OCA2: variants seen among roughly 807,000 people sequenced by gnomAD.
The protein encoded by OCA2 is P protein.
In OCA2, 77 loss-of-function variants were observed where a neutral mutation model predicts 100.2. The observed-to-expected ratio is 0.77, with a 90% confidence interval of 0.64 to 0.93. The LOEUF (loss-of-function observed/expected upper bound fraction) is 0.93, where lower values mean the gene tolerates loss of function less well. OCA2 is among the 40% of genes least tolerant of loss of function. The probability of loss-of-function intolerance (pLI) is 0.00; values close to 1 mark genes in which losing one functional copy is unlikely to be tolerated. For missense variants in OCA2, 1,062 were observed against 1,089.1 expected (o/e 0.98, Z 0.35); for synonymous variants, 432 against 439.2 (o/e 0.98, Z 0.21).
At chr15:28,044,668 T>C (rs954716719) in intron 2 of OCA2, among the ~76,000 whole-genome samples, 2 of 152,254 alleles carry the variant, frequency 1.3e-5, no homozygotes, top group Non-Finnish European at 2.9e-5. Context: ...TATCAGTTTT[T>C]GCTTCGTGTA....
intron 22 of OCA2, among the ~76,000 whole-genome samples, chr15:27,845,357 AC>A (rs1216117930): frequency 6.6e-6 from 1 of 152,218 alleles, no homozygotes; most frequent in African/African-American, 2.4e-5. Context: ...AGAGAAAAAC[AC>A]AAGTGGGGCC....
At chr15:27,727,372 G>GA in the OCA2 span, among the ~76,000 whole-genome samples, 1 of 152,130 alleles carries the variant, frequency 6.6e-6, no homozygotes, top group African/African-American at 2.4e-5. Context: ...CTTTAACCTG[G>GA]AAAAAAACTG....
chr15:27,990,120 T>C (rs986657978), intron 10 of OCA2, among the ~76,000 whole-genome samples: 1 of 152,086 alleles, frequency 6.6e-6, no homozygotes, highest in Non-Finnish European at 1.5e-5. Flanking sequence ...GTTTCCCATG[T>C]CCCTGCCAGA....
At chr15:28,040,979 G>A (rs989340541) in intron 2 of OCA2, among the ~76,000 whole-genome samples, 3 of 152,128 alleles carry the variant, frequency 2.0e-5, no homozygotes, top group Non-Finnish European at 4.4e-5. Context: ...CTCATTCTGT[G>A]AGACCTAACT....
chr15:27,986,494 G>A, intron 12 of OCA2, 93 bp downstream of exon 12: 2 of 904,730 alleles, frequency 2.2e-6, no homozygotes, highest in Non-Finnish European at 3.6e-6. Flanking sequence ...TTCAATGTTT[G>A]TTTTAAATGT....
intron 8 of OCA2, among the ~76,000 whole-genome samples, chr15:28,015,436 T>C (rs2042360543): frequency 6.6e-6 from 1 of 152,206 alleles, no homozygotes; most frequent in Non-Finnish European, 1.5e-5. Context: ...AATTCCTCTG[T>C]TGAAGTCCTA....
intron 23 of OCA2, among the ~76,000 whole-genome samples, chr15:27,780,604 A>C (rs2032487527): frequency 1.3e-5 from 2 of 152,218 alleles, no homozygotes. Flanking sequence ...CTAAAGAGCA[A>C]CTCAGGTTAC....
intron 23 of OCA2, among the ~76,000 whole-genome samples, chr15:27,843,194 A>G (rs1021599381): frequency 2.0e-5 from 3 of 152,148 alleles, no homozygotes; most frequent in Admixed American, 6.5e-5. Context: ...TGCTTGGCCA[A>G]CCAAAGAAGA....
intron 18 of OCA2, among the ~76,000 whole-genome samples, chr15:27,941,057 T>G (rs2039630371): frequency 6.6e-6 from 1 of 152,200 alleles, no homozygotes; most frequent in Non-Finnish European, 1.5e-5. Context: ...GTCCCAATAT[T>G]TCTAATAATT....
the OCA2 span, among the ~76,000 whole-genome samples, chr15:27,724,757 A>T: frequency 1.3e-5 from 2 of 151,648 alleles, no homozygotes; most frequent in Non-Finnish European, 2.9e-5. Flanking sequence ...GTTTAGAAAT[A>T]TTACATACCT....
At chr15:27,892,622 T>C (rs557499485) in intron 19 of OCA2, among the ~76,000 whole-genome samples, 1 of 152,176 alleles carries the variant, frequency 6.6e-6, no homozygotes, top group South Asian at 2.1e-4. Flanking sequence ...AAATCTCATA[T>C]CAACAATCTA....
intron 2 of OCA2, among the ~76,000 whole-genome samples, chr15:28,062,442 CT>C (rs2043902508): frequency 6.6e-6 from 1 of 152,094 alleles, no homozygotes; most frequent in Admixed American, 6.6e-5. Context: ...TGTAAGAGTT[CT>C]ATATATATTC....
chr15:28,015,000 T>C lies in OCA2; in HGVS notation c.891-71A>G, dbSNP rs150432403. The C allele has an allele frequency of 2.6e-3, 3,851 of 1,508,410 alleles. 49 individuals carry two copies. The Admixed American group carries it at 0.028, about 11-fold the overall frequency. The allele number at this position is 1,508,410 out of a possible 1,614,324, so 93.4% of individuals were successfully genotyped here. A position where few individuals can be genotyped will look rare whatever the true frequency, so the allele number is the denominator to read the frequency against. On this transcript the variant is annotated intron_variant, in intron 8 of 23. Coordinates refer to ENST00000354638, the MANE Select transcript of OCA2 (RefSeq NM_000275.3). ...AGGGGACCTCCCTCTGTATCAGCCA[T>C]GGCATTAACCAGAGTGCAAATGGAA...
At chr15:27,775,367 G>A (rs888365030) in intron 23 of OCA2, among the ~76,000 whole-genome samples, 7 of 152,166 alleles carry the variant, frequency 4.6e-5, no homozygotes, top group African/African-American at 1.7e-4. Context: ...AGATGACTTT[G>A]TGTGTCATTG....
At chr15:27,811,855 TAAG>T (rs2034093113) in intron 23 of OCA2, among the ~76,000 whole-genome samples, 1 of 152,236 alleles carries the variant, frequency 6.6e-6, no homozygotes, top group Admixed American at 6.5e-5. Flanking sequence ...TGGAACTTCA[TAAG>T]AAGGACATCA....
At chr15:27,914,160 G>C (rs2038574838) in intron 19 of OCA2, among the ~76,000 whole-genome samples, 1 of 152,002 alleles carries the variant, frequency 6.6e-6, no homozygotes, top group Admixed American at 6.6e-5. Flanking sequence ...CATAGATGCA[G>C]AACAGGCTTT....
At chr15:27,901,204 G>C (rs891692720) in intron 19 of OCA2, among the ~76,000 whole-genome samples, 1 of 152,220 alleles carries the variant, frequency 6.6e-6, no homozygotes, top group African/African-American at 2.4e-5. Context: ...TCTTGGACTG[G>C]ACAAACGATG....
intron 2 of OCA2, among the ~76,000 whole-genome samples, chr15:28,065,172 A>G (rs1032551689): frequency 6.6e-6 from 1 of 152,134 alleles, no homozygotes; most frequent in Non-Finnish European, 1.5e-5. Flanking sequence ...ACAATTATCA[A>G]GTCTCCCACT....
chr15:27,769,916 G>C (rs531153234), intron 23 of OCA2, among the ~76,000 whole-genome samples: 2 of 147,308 alleles, frequency 1.4e-5, no homozygotes, highest in Non-Finnish European at 2.9e-5. Context: ...GCCTGTGCGC[G>C]GCCCCTCTGG....
Sources: gnomAD v4.1 joint callset for allele counts (sites outside exome capture counted in the v4.1 genomes callset) on GRCh38, gnomAD v4.1.1 for gene constraint, MANE v1.5 for transcripts, NCBI Gene and HGNC (gene_info 2026-07-23, HGNC 2026-07-21) for gene names.